The following ARHGAP24 variants were observed in gnomAD, a reference collection of about 807,000 sequenced individuals.
ARHGAP24 encodes rho GTPase-activating protein 24.
In ARHGAP24, 50 loss-of-function variants were observed where a neutral mutation model predicts 76.4. The observed-to-expected ratio is 0.65, with a 90% CI of 0.52 to 0.83. ARHGAP24 has a LOEUF of 0.83. Ranked by LOEUF, ARHGAP24 falls within the 40% of genes least tolerant of loss-of-function variation. The pLI is 0.00. For synonymous variants in ARHGAP24, 345 were observed against 323.3 expected (o/e 1.07, Z -0.72); for missense variants, 930 against 914.2 (o/e 1.02, Z -0.22).
intron 3 of ARHGAP24, among the ~76,000 whole-genome samples, chr4:85,815,567 T>A (rs1729201627): frequency 6.6e-6 from 1 of 152,190 alleles, no homozygotes; most frequent in South Asian, 2.1e-4. Context: ...CCCAACAAGT[T>A]CCTCATTTCC....
chr4:85,657,984 G>A (rs2109988881), intron 2 of ARHGAP24, among the ~76,000 whole-genome samples: 1 of 152,202 alleles, frequency 6.6e-6, no homozygotes. Flanking sequence ...CAAATTCCTG[G>A]CCTCAAGTGA....
At chr4:85,667,027 G>T (rs1282871804) in intron 2 of ARHGAP24, among the ~76,000 whole-genome samples, 2 of 152,160 alleles carry the variant, frequency 1.3e-5, no homozygotes. Context: ...TCTCTTCAAA[G>T]CTGTCAGACA....
At chr4:85,638,631 ATGC>A in intron 2 of ARHGAP24, among the ~76,000 whole-genome samples, 1 of 151,990 alleles carries the variant, frequency 6.6e-6, no homozygotes, top group Non-Finnish European at 1.5e-5. Flanking sequence ...ATGTGTGTGG[ATGC>A]CCACAATATG....
intron 1 of ARHGAP24, among the ~76,000 whole-genome samples, chr4:85,559,004 C>A (rs1203903291): frequency 7.2e-6 from 1 of 138,390 alleles, no homozygotes; most frequent in African/African-American, 2.5e-5. Flanking sequence ...TTCAGGAAAG[C>A]TTTCATCTTA....
chr4:85,707,067 A>T (rs1297498236), intron 2 of ARHGAP24, among the ~76,000 whole-genome samples: 2 of 152,104 alleles, frequency 1.3e-5, no homozygotes, highest in Non-Finnish European at 2.9e-5. Context: ...GGAGCATGTT[A>T]CCAAGCCTGG....
At chr4:85,785,804 T>G (rs1337539757) in intron 3 of ARHGAP24, among the ~76,000 whole-genome samples, 1 of 152,156 alleles carries the variant, frequency 6.6e-6, no homozygotes, top group East Asian at 1.9e-4. Flanking sequence ...TCTTCAGACA[T>G]GTGCCAGGAA....
At chr4:85,955,318 A>G (rs1484323480) in intron 5 of ARHGAP24, among the ~76,000 whole-genome samples, 2 of 146,698 alleles carry the variant, frequency 1.4e-5, no homozygotes, top group African/African-American at 5.1e-5. Flanking sequence ...GGAGTTTTCC[A>G]TGATCCCTGT....
intron 1 of ARHGAP24, among the ~76,000 whole-genome samples, chr4:85,501,883 T>G (rs546895285): frequency 1.7e-4 from 26 of 152,186 alleles, no homozygotes; most frequent in Non-Finnish European, 3.5e-4. Flanking sequence ...TTAATCCATC[T>G]TGAATTAATT....
intron 2 of ARHGAP24, among the ~76,000 whole-genome samples, chr4:85,581,623 T>C (rs1727614649): frequency 6.6e-6 from 1 of 152,150 alleles, no homozygotes; most frequent in African/African-American, 2.4e-5. Flanking sequence ...AACTGTGTTT[T>C]TTAACATTCA....
At chr4:85,718,699 T>A (rs1560599888) in intron 2 of ARHGAP24, among the ~76,000 whole-genome samples, 1 of 152,146 alleles carries the variant, frequency 6.6e-6, no homozygotes, top group Admixed American at 6.6e-5. Flanking sequence ...CCTTGTCTGT[T>A]GATATTTAAA....
chr4:85,765,104 A>G (rs946149289), intron 3 of ARHGAP24, among the ~76,000 whole-genome samples: 3 of 152,142 alleles, frequency 2.0e-5, no homozygotes, highest in Admixed American at 2.0e-4. Flanking sequence ...CAAACTTTAC[A>G]TTTTAATTCC....
chr4:85,722,198 T>C, intron 3 of ARHGAP24: 1 of 477,906 alleles, frequency 2.1e-6, no homozygotes, highest in Non-Finnish European at 3.8e-6. Flanking sequence ...CATTTGTCCA[T>C]GAGACTCCAT....
rs869246396 is a variant in ARHGAP24 at position 85,731,636 on chromosome 4, GACA to G, written c.268+9668_268+9670del. 9.9e-5 allele frequency among the ~76,000 whole-genome samples: 15 copies of G among 152,232 alleles called. No individual in the cohort carries two copies. In the East Asian group the frequency reaches 2.9e-3, roughly 29 times the overall value. ...CAGACTCTACACGATTTTAAAAGTA[GACA>G]ACATTATAGCTAGATAGGAGGAAAA... On this transcript the variant is annotated intron_variant, in intron 3 of 9. Coordinates refer to ENST00000395184, the MANE Select transcript of ARHGAP24 (RefSeq NM_001025616.3).
chr4:85,788,861 T>G (rs1277616533), intron 3 of ARHGAP24, among the ~76,000 whole-genome samples: 3 of 152,182 alleles, frequency 2.0e-5, no homozygotes, highest in Non-Finnish European at 4.4e-5. Flanking sequence ...TTCTAAGATA[T>G]GGGCTCCATT....
At chr4:85,505,475 C>A (rs1373063672) in intron 1 of ARHGAP24, among the ~76,000 whole-genome samples, 1 of 152,164 alleles carries the variant, frequency 6.6e-6, no homozygotes, top group Non-Finnish European at 1.5e-5. Flanking sequence ...TTAACTTGAT[C>A]TTCAATCACT....
At chr4:85,615,205 C>T (rs2109999091) in intron 2 of ARHGAP24, among the ~76,000 whole-genome samples, 1 of 152,112 alleles carries the variant, frequency 6.6e-6, no homozygotes, top group South Asian at 2.1e-4. Context: ...AGATTTTGTG[C>T]ATGCAGTTTG....
At chr4:85,485,083 G>A (rs1578178492) in intron 1 of ARHGAP24, among the ~76,000 whole-genome samples, 1 of 151,436 alleles carries the variant, frequency 6.6e-6, no homozygotes, top group Admixed American at 6.6e-5. Context: ...ACTGGCTCAC[G>A]CCTGTAAGCC....
intron 3 of ARHGAP24, among the ~76,000 whole-genome samples, chr4:85,857,798 A>G (rs151288777): frequency 4.3e-4 from 65 of 152,248 alleles, no homozygotes; most frequent in African/African-American, 1.4e-3. Flanking sequence ...AACTGGTTGC[A>G]GAGGGGGCAA....
At chr4:85,620,857 A>G (rs1397536786) in intron 2 of ARHGAP24, among the ~76,000 whole-genome samples, 1 of 151,918 alleles carries the variant, frequency 6.6e-6, no homozygotes, top group African/African-American at 2.4e-5. Context: ...CTAGCGTTTG[A>G]CTTCTATTGA....
Sources: gnomAD v4.1 joint callset for allele counts (sites outside exome capture counted in the v4.1 genomes callset) on GRCh38, gnomAD v4.1.1 for gene constraint, MANE v1.5 for transcripts, NCBI Gene and HGNC (gene_info 2026-07-23, HGNC 2026-07-21) for gene names.